Variants in PUM1 observed in about 807,000 individuals in gnomAD.
The protein encoded by PUM1 is pumilio homolog 1.
A neutral mutation model predicts 131.8 loss-of-function variants in PUM1; 13 were observed. The observed-to-expected ratio is 0.10, with a 90% CI of 0.06 to 0.16. The LOEUF (loss-of-function observed/expected upper bound fraction) is 0.16. Ranked by LOEUF, PUM1 falls within the 10% of genes least tolerant of loss-of-function variation. The pLI, the probability that PUM1 is intolerant of heterozygous loss-of-function variation, is 1.00. For missense variants in PUM1, 961 were observed against 1,512.4 expected (o/e 0.64, Z 6.05); for synonymous variants, 509 against 556.5 (o/e 0.91, Z 1.20).
intron 10 of PUM1, among the ~76,000 whole-genome samples, chr1:30,970,585 G>A (rs995332799): frequency 6.6e-6 from 1 of 152,162 alleles, no homozygotes; most frequent in African/African-American, 2.4e-5. Context: ...TTCAAACTAC[G>A]TAGATAGAAG....
At chr1:31,055,294 G>GTT (rs1644211537) in intron 2 of PUM1, 10 of 455,196 alleles carry the variant, frequency 2.2e-5, no homozygotes, top group South Asian at 1.2e-4. Flanking sequence ...TGACTGAGCT[G>GTT]TAAGACCCAC....
At chr1:30,967,535 A>T (rs1640673039) in intron 11 of PUM1, among the ~76,000 whole-genome samples, 2 of 152,204 alleles carry the variant, frequency 1.3e-5, no homozygotes, top group Non-Finnish European at 2.9e-5. Context: ...TATCCTGCAA[A>T]ATAGCAGGAA....
intron 2 of PUM1, among the ~76,000 whole-genome samples, chr1:31,057,105 G>T (rs4949337): frequency 0.77 from 117,509 of 152,104 alleles, 46,332 homozygotes; most frequent in African/African-American, 0.92. Flanking sequence ...TCTTTGTTTC[G>T]ACTATAGTAA....
In PUM1 at chr1:31,059,202, A is replaced by T. The variant is rs1488702692; in HGVS notation, c.363+2T>A. ...AAGCTAAAATAGTGAACTTTTTTTT[A>T]CCTGATGTTCTGCATGAATGTTATC... On this transcript the variant is annotated splice_donor_variant, in intron 2 of 21. Transcript: ENST00000426105. LOFTEE classifies it high-confidence loss of function. The T allele has an allele frequency of 6.4e-7, 1 of 1,551,688 alleles. No individual in the cohort carries two copies. The highest frequency in any genetic ancestry group is 2.0e-5 in the Admixed American group (1 of 49,080).
chr1:31,033,271 C>A (rs905029578), intron 2 of PUM1, among the ~76,000 whole-genome samples: 31 of 151,054 alleles, frequency 2.1e-4, no homozygotes, highest in Non-Finnish European at 3.8e-4. Context: ...GTGGTGCGAT[C>A]TCACCTCACT....
intron 17 of PUM1, among the ~76,000 whole-genome samples, chr1:30,947,871 A>ATT (rs755403369): frequency 1.3e-4 from 18 of 141,218 alleles, no homozygotes; most frequent in East Asian, 6.1e-4. Flanking sequence ...AAGGGAATAA[A>ATT]TTTTTTTTTT....
At chr1:30,976,255 C>A (rs1641134080) in intron 9 of PUM1, among the ~76,000 whole-genome samples, 1 of 152,172 alleles carries the variant, frequency 6.6e-6, no homozygotes. Context: ...TTATAGAATT[C>A]TATGACGAAG....
In PUM1 at chr1:30,942,167, C is replaced by T. The variant is rs1282648469; in HGVS notation, c.2995-44G>A. 3 of 1,361,232 alleles carry T rather than the reference C, an allele frequency of 2.2e-6. No individual in the cohort carries two copies. The Admixed American group carries it at 5.8e-5, about 26-fold the overall frequency. The allele number at this position is 1,361,232 out of a possible 1,614,324, so 84.3% of individuals were successfully genotyped here. On this transcript the variant is annotated intron_variant, in intron 18 of 21. Coordinates refer to ENST00000426105, the MANE Select transcript of PUM1 (RefSeq NM_001020658.2). Reference sequence around the variant, plus strand: ...AAATGAGAAGCAAAAATGACAGTCACCACCTTCAATGCTTCAGTATTGTTT... The same window carrying T: ...AAATGAGAAGCAAAAATGACAGTCATCACCTTCAATGCTTCAGTATTGTTT...
intron 16 of PUM1, 149 bp downstream of exon 16, chr1:30,952,085 T>C (rs916371568): frequency 3.7e-5 from 25 of 684,202 alleles, no homozygotes; most frequent in Admixed American, 1.1e-4. Context: ...TGCTAATGAA[T>C]TGGAAAAACA....
At chr1:31,004,534 T>C (rs924942806) in intron 5 of PUM1, among the ~76,000 whole-genome samples, 7 of 151,616 alleles carry the variant, frequency 4.6e-5, no homozygotes, top group African/African-American at 1.7e-4. Flanking sequence ...GATCTTGTTC[T>C]TCCCAAGCAG....
Position 30,964,752 on chromosome 1 carries a change from G to A in PUM1, c.2245C>T (p.Pro749Ser). ...SSPGPVGMPL[P>S]SQGPGHSQTP... is the part of the protein sequence containing the mutation. ...TGTGAATGTCCTGGTCCCTGACTAG[G>A]GAGAGGCATGCCCACGGGTCCAGGA... The change falls in exon 14 of 22, where the codon CCT becomes TCT. Residue 749 changes from proline to serine, a missense_variant. Around this residue, in one of 4 missense-constraint regions of PUM1, gnomAD observed 117 missense variants for 200.7 expected, o/e 0.58. Coordinates refer to ENST00000426105, the MANE Select transcript of PUM1 (RefSeq NM_001020658.2). 6.2e-7 allele frequency: 1 copy of A among 1,614,090 alleles called. No individual in the cohort carries two copies. The highest frequency in any genetic ancestry group is 8.5e-7 in the Non-Finnish European group (1 of 1,179,998).
intron 2 of PUM1, among the ~76,000 whole-genome samples, chr1:31,036,162 C>T (rs868571465): frequency 8.6e-5 from 13 of 151,970 alleles, no homozygotes; most frequent in South Asian, 2.1e-4. Flanking sequence ...CCCTGCCTCC[C>T]GAGTTCAAGC....
chr1:31,041,709 G>T (rs995433831), intron 2 of PUM1, among the ~76,000 whole-genome samples: 1 of 152,116 alleles, frequency 6.6e-6, no homozygotes, highest in African/African-American at 2.4e-5. Context: ...TGTGCCTTCT[G>T]CCATGAGTAA....
Position 30,974,746 on chromosome 1 carries a change from C to T in PUM1, c.1411G>A (p.Ala471Thr), listed in dbSNP as rs752090339. 6.2e-7 allele frequency: 1 copy of T among 1,612,834 alleles called. No individual in the cohort carries two copies. The highest frequency in any genetic ancestry group is 1.3e-5 in the African/African-American group (1 of 74,862). ...GCAGCTTGCTGCTGGAAAAGACTGG[C>T]AGGGTAGACTCCCCAGGGAGTAACT... ...YGVTPWGVYP[A>T]SLFQQQAAAA... The change falls in exon 10 of 22, where the codon GCC (alanine) becomes ACC (threonine). Residue 471 changes from alanine (A) to threonine (T), a missense_variant. Ala to Thr is a moderately conservative substitution (Grantham distance 58). Around this residue, in one of 4 missense-constraint regions of PUM1, gnomAD observed 654 missense variants for 923.9 expected, o/e 0.71. Coordinates refer to ENST00000426105, the MANE Select transcript of PUM1 (RefSeq NM_001020658.2).
chr1:30,955,844 G>T (rs1284311618), intron 14 of PUM1, among the ~76,000 whole-genome samples: 2 of 152,164 alleles, frequency 1.3e-5, no homozygotes, highest in African/African-American at 2.4e-5. Flanking sequence ...AAAAGAAAAT[G>T]ACTCAATGCA....
chr1:31,055,390 G>A, intron 2 of PUM1: 1 of 456,184 alleles, frequency 2.2e-6, no homozygotes, highest in Non-Finnish European at 4.4e-6. Context: ...CCTGGAAAAG[G>A]GGCATGAAAA....
chr1:30,983,497 A>G (rs988530231), intron 7 of PUM1, among the ~76,000 whole-genome samples: 7 of 152,268 alleles, frequency 4.6e-5, no homozygotes, highest in South Asian at 4.1e-4. Flanking sequence ...GGAACTGGGG[A>G]AAAAAAGACA....
At chr1:31,038,407 A>C (rs1170618094) in intron 2 of PUM1, among the ~76,000 whole-genome samples, 5 of 152,182 alleles carry the variant, frequency 3.3e-5, no homozygotes, top group Non-Finnish European at 7.3e-5. Flanking sequence ...TACTGTTCAA[A>C]GACCATGGTA....
intron 2 of PUM1, among the ~76,000 whole-genome samples, chr1:31,034,344 A>G (rs1212241160): frequency 6.6e-6 from 1 of 152,138 alleles, no homozygotes; most frequent in African/African-American, 2.4e-5. Flanking sequence ...TCACACTGAA[A>G]ATTTCCATAT....
Sources: allele counts gnomAD v4.1 joint callset (sites outside exome capture counted in the v4.1 genomes callset), GRCh38; gene constraint gnomAD v4.1.1; regional missense constraint gnomAD v4.1.1; transcripts MANE v1.5; gene names NCBI Gene and HGNC (gene_info 2026-07-23, HGNC 2026-07-21).